The following CSMD1 variants were observed in gnomAD, a reference collection of about 807,000 sequenced individuals.
The protein encoded by CSMD1 is CUB and sushi domain-containing protein 1.
CSMD1 carries 213 observed loss-of-function variants against 417.5 expected under a neutral mutation model. That is an observed-to-expected ratio of 0.51 (90% CI 0.46 to 0.57). The LOEUF (loss-of-function observed/expected upper bound fraction) is 0.57. CSMD1 is among the 20% of genes least tolerant of loss of function. CSMD1 has a pLI of 0.00. For missense variants in CSMD1, 6,923 were observed against 4,529.7 expected (o/e 1.53, Z -15.17); for synonymous variants, 2,862 against 1,736.8 (o/e 1.65, Z -16.11).
chr8:3,922,598 T>G (rs531943545), intron 5 of CSMD1, among the ~76,000 whole-genome samples: 1 of 152,222 alleles, frequency 6.6e-6, no homozygotes, highest in Non-Finnish European at 1.5e-5. Flanking sequence ...AAACATCTTC[T>G]GGTTAAAGCA....
In CSMD1 at chr8:4,104,476, G is replaced by C. The variant is rs377716196; in HGVS notation, c.416-72377C>G. Among the ~76,000 whole-genome samples the C allele has an allele frequency of 6.9e-4, 105 of 152,246 alleles. 1 individual carries two copies. Among genetic ancestry groups the C allele is most frequent in the African/African-American group, 2.4e-3 (98 of 41,568 alleles). On this transcript the variant is annotated intron_variant, in intron 3 of 69. Transcript: ENST00000635120. The stretch of plus-strand genomic sequence containing the variant: ...CAGGATATGTGCACTGAATGTATTT[G>C]ACTCTATTGAATTTTCTTGCTTTCA...
intron 5 of CSMD1, among the ~76,000 whole-genome samples, chr8:3,806,019 C>T (rs866314842): frequency 5.9e-5 from 9 of 152,186 alleles, no homozygotes; most frequent in African/African-American, 1.9e-4. Context: ...AGACCTGGAG[C>T]AGCTTCATTG....
intron 1 of CSMD1, among the ~76,000 whole-genome samples, chr8:4,815,884 A>G (rs1158253628): frequency 6.6e-6 from 1 of 152,132 alleles, no homozygotes; most frequent in South Asian, 2.1e-4. Context: ...CTTTGTGTGA[A>G]TTGGTTATGA....
intron 3 of CSMD1, among the ~76,000 whole-genome samples, chr8:4,354,380 C>T (rs951397821): frequency 5.3e-5 from 8 of 152,122 alleles, no homozygotes; most frequent in Admixed American, 2.0e-4. Context: ...CTGGTCATTT[C>T]GTAACTATTA....
intron 37 of CSMD1, among the ~76,000 whole-genome samples, chr8:3,162,721 A>G (rs1337835388): frequency 1.3e-5 from 2 of 152,014 alleles, no homozygotes; most frequent in African/African-American, 4.8e-5. Flanking sequence ...CTTCTACAAA[A>G]AAAAAAAAGA....
intron 3 of CSMD1, among the ~76,000 whole-genome samples, chr8:4,219,463 G>A (rs1302642253): frequency 6.6e-6 from 1 of 152,028 alleles, no homozygotes; most frequent in African/African-American, 2.4e-5. Flanking sequence ...CCTCTCTCTT[G>A]AACTCTAGTC....
intron 1 of CSMD1, among the ~76,000 whole-genome samples, chr8:4,821,973 C>CTT (rs1799550033): frequency 6.6e-6 from 1 of 151,944 alleles, no homozygotes; most frequent in African/African-American, 2.4e-5. Context: ...GAGAATACTA[C>CTT]GTAAAATAAA....
intron 3 of CSMD1, among the ~76,000 whole-genome samples, chr8:4,146,593 CATTTTTT>C (rs1288940226): frequency 0.013 from 1,173 of 90,640 alleles, 189 homozygotes; most frequent in African/African-American, 0.016. Context: ...TATATGGACA[CATTTTTT>C]TTTTTTTTTT....
At chr8:4,790,053 G>C (rs920145644) in intron 1 of CSMD1, among the ~76,000 whole-genome samples, 46 of 152,160 alleles carry the variant, frequency 3.0e-4, no homozygotes, top group African/African-American at 1.1e-3. Flanking sequence ...AATCTTCAGA[G>C]AATTCTAGGA....
chr8:3,876,686 T>A (rs888252348), intron 5 of CSMD1, among the ~76,000 whole-genome samples: 1 of 152,204 alleles, frequency 6.6e-6, no homozygotes, highest in African/African-American at 2.4e-5. Context: ...CAGTGCGCAC[T>A]GTAGCCTTGA....
At chr8:3,467,741 T>G (rs1217432219) in intron 12 of CSMD1, among the ~76,000 whole-genome samples, 1 of 152,168 alleles carries the variant, frequency 6.6e-6, no homozygotes, top group Non-Finnish European at 1.5e-5. Flanking sequence ...TTCACTCACA[T>G]GGACTCATGA....
chr8:4,100,507 G>T (rs529389943), intron 3 of CSMD1, among the ~76,000 whole-genome samples: 1 of 152,074 alleles, frequency 6.6e-6, no homozygotes, highest in South Asian at 2.1e-4. Context: ...ACTATAAAAT[G>T]GATTAAAAAT....
At chr8:4,415,016 G>C (rs143738629) in intron 3 of CSMD1, among the ~76,000 whole-genome samples, 1 of 152,164 alleles carries the variant, frequency 6.6e-6, no homozygotes. Flanking sequence ...TAGAAGCATA[G>C]GCAAGCAAAA....
chr8:4,976,222 G>T (rs550960319), intron 1 of CSMD1, among the ~76,000 whole-genome samples: 2 of 152,146 alleles, frequency 1.3e-5, no homozygotes, highest in African/African-American at 4.8e-5. Flanking sequence ...TGGGTGACAA[G>T]AGTATCCATA....
intron 3 of CSMD1, among the ~76,000 whole-genome samples, chr8:4,120,309 T>A (rs79459446): frequency 6.6e-6 from 1 of 152,180 alleles, no homozygotes; most frequent in African/African-American, 2.4e-5. Flanking sequence ...TTCAGTGTTA[T>A]TTCAATTTTA....
chr8:3,563,442 T>TGAA (rs763525538), intron 10 of CSMD1, among the ~76,000 whole-genome samples: 1 of 62,784 alleles, frequency 1.6e-5, no homozygotes, highest in African/African-American at 5.9e-5. Flanking sequence ...TATTAAAAGG[T>TGAA]AAAAAAAAAA....
chr8:3,596,906 T>G (rs553493406), intron 8 of CSMD1, among the ~76,000 whole-genome samples: 1 of 152,144 alleles, frequency 6.6e-6, no homozygotes, highest in South Asian at 2.1e-4. Flanking sequence ...ATGCAAGCGC[T>G]CAGCAAACAT....
chr8:3,767,839 C>T (rs1798365843), intron 5 of CSMD1, among the ~76,000 whole-genome samples: 1 of 152,088 alleles, frequency 6.6e-6, no homozygotes, highest in Non-Finnish European at 1.5e-5. Flanking sequence ...GGTGGAAATG[C>T]CCAGTGGGTC....
intron 3 of CSMD1, among the ~76,000 whole-genome samples, chr8:4,345,996 C>A (rs988782708): frequency 2.0e-5 from 3 of 152,064 alleles, no homozygotes; most frequent in African/African-American, 7.2e-5. Flanking sequence ...TTCAGTAGTT[C>A]ACATTAGTAT....
Sources: gnomAD v4.1 joint callset for allele counts (sites outside exome capture counted in the v4.1 genomes callset) on GRCh38, gnomAD v4.1.1 for gene constraint, MANE v1.5 for transcripts, NCBI Gene and HGNC (gene_info 2026-07-23, HGNC 2026-07-21) for gene names.